The following SCNN1B variants were observed in gnomAD, a reference collection of about 807,000 sequenced individuals.
SCNN1B encodes sodium channel epithelial 1 subunit beta.
SCNN1B carries 46 observed loss-of-function variants against 65.3 expected under a neutral mutation model. That is an observed-to-expected ratio of 0.70 (90% CI 0.56 to 0.90). The LOEUF (loss-of-function observed/expected upper bound fraction) is 0.90, where lower values mean the gene tolerates loss of function less well. Among genes scored for constraint, SCNN1B ranks in the 40% least tolerant of loss-of-function variants. SCNN1B has a pLI of 0.00. For missense variants in SCNN1B, 751 were observed against 830.5 expected (o/e 0.90, Z 1.18); for synonymous variants, 349 against 330.6 (o/e 1.06, Z -0.60).
intron 4 of SCNN1B, among the ~76,000 whole-genome samples, chr16:23,365,613 GAA>G (rs1303615478): frequency 0.021 from 1,492 of 69,624 alleles, 49 homozygotes; most frequent in African/African-American, 0.051. Context: ...AAGAAAGAAA[GAA>G]AGAAAAAAGA....
At chr16:23,326,713 C>T (rs1352502956) in intron 1 of SCNN1B, among the ~76,000 whole-genome samples, 1 of 152,136 alleles carries the variant, frequency 6.6e-6, no homozygotes, top group African/African-American at 2.4e-5. Context: ...AGTGATCCAC[C>T]TGCCTCAGCC....
intron 1 of SCNN1B, among the ~76,000 whole-genome samples, chr16:23,346,504 G>T (rs994073768): frequency 2.0e-5 from 3 of 152,086 alleles, no homozygotes; most frequent in African/African-American, 7.2e-5. Flanking sequence ...TTACAGGCAT[G>T]AGCCACCGCA....
At chr16:23,316,868 A>G (rs1053502190) in intron 1 of SCNN1B, among the ~76,000 whole-genome samples, 2 of 151,848 alleles carry the variant, frequency 1.3e-5, no homozygotes, top group African/African-American at 2.4e-5. Context: ...TATCATCACC[A>G]TCATCAGCAT....
intron 1 of SCNN1B, among the ~76,000 whole-genome samples, chr16:23,320,988 T>G (rs1207041267): frequency 2.0e-5 from 3 of 152,208 alleles, no homozygotes; most frequent in Admixed American, 2.0e-4. Context: ...CGGATCTAGA[T>G]GAGTGAGCTT....
At position 23,355,338 on chromosome 16, in the gene SCNN1B, A is replaced by C. The variant is rs1005140286; in HGVS notation, c.625A>C (p.Thr209Pro). The C allele has an allele frequency of 1.9e-6, 3 of 1,613,972 alleles. No individual in the cohort carries two copies. The highest frequency in any genetic ancestry group is 2.5e-6 in the Non-Finnish European group (3 of 1,180,002). Residue 209 changes from threonine to proline, a missense_variant, in exon 4 of 13, where the codon ACC (threonine) becomes CCC (proline). By Grantham distance (38) the Thr-to-Pro change is conservative (BLOSUM62 -1). Transcript: ENST00000343070. ...GACCCAGTGTACCTTCCGGAACTTC[A>C]CCAGTGCTACCCAGGCATTGACAGA... ...NRTQCTFRNF[T>P]SATQALTEWY...
chr16:23,350,111 TCAACAA>T (rs1470375697), intron 2 of SCNN1B, among the ~76,000 whole-genome samples: 1 of 152,104 alleles, frequency 6.6e-6, no homozygotes, highest in African/African-American at 2.4e-5. Context: ...AAACCACTCT[TCAACAA>T]ATGCTTATGA....
chr16:23,300,790 G>A (rs998693566), upstream of SCNN1B, among the ~76,000 whole-genome samples: 3 of 152,010 alleles, frequency 2.0e-5, no homozygotes, highest in Non-Finnish European at 2.9e-5. Context: ...ACACCACTGC[G>A]CTCTAGCCTG....
intron 2 of SCNN1B, among the ~76,000 whole-genome samples, chr16:23,292,595 C>T (rs1209632992): frequency 1.3e-5 from 2 of 151,932 alleles, no homozygotes; most frequent in Admixed American, 6.6e-5. Context: ...TGAATCTCCC[C>T]GGCTCAAGCA....
At position 23,367,958 on chromosome 16, in the gene SCNN1B, C is replaced by G. The variant is rs250563; in HGVS notation, c.879C>G (p.Phe293Leu). Residue 293 changes from phenylalanine (F) to leucine (L), a missense_variant and splice_region_variant, in exon 5 of 13, where the codon TTC (phenylalanine) becomes TTG (leucine). Coordinates refer to ENST00000343070, the MANE Select transcript of SCNN1B (RefSeq NM_000336.3). ...CTTCGGCCAACCCTGGAACTGAATTCGGTGAGTTTTGGTTTATCGTGGGGC... is the reference window on the plus strand; with the variant it reads ...CTTCGGCCAACCCTGGAACTGAATTGGGTGAGTTTTGGTTTATCGTGGGGC... Reference protein sequence around the residue: ...ALPSANPGTEFGLKLILDIGQ... With the variant: ...ALPSANPGTELGLKLILDIGQ... The G allele has an allele frequency of 3.1e-6, 5 of 1,611,536 alleles. No individual in the cohort carries two copies. The South Asian group carries it at 5.5e-5, about 18-fold the overall frequency.
At chr16:23,317,690 G>A (rs1030944782) in intron 1 of SCNN1B, among the ~76,000 whole-genome samples, 5 of 152,160 alleles carry the variant, frequency 3.3e-5, no homozygotes, top group Non-Finnish European at 7.3e-5. Context: ...ATGCATGATG[G>A]CATTTCCTTG....
chr16:23,299,153 G>A (rs11866072), upstream of SCNN1B, among the ~76,000 whole-genome samples: 415 of 147,382 alleles, frequency 2.8e-3, no homozygotes, highest in African/African-American at 0.01. Context: ...TCCGCCTCCC[G>A]GGTTCAAGTG....
intron 4 of SCNN1B, among the ~76,000 whole-genome samples, chr16:23,360,194 T>A (rs962406127): frequency 5.9e-5 from 7 of 118,886 alleles, no homozygotes; most frequent in Non-Finnish European, 1.3e-4. Context: ...CGAGACTCCA[T>A]CTCAAAAAAA....
At chr16:23,320,068 G>A (rs1366576137) in intron 1 of SCNN1B, among the ~76,000 whole-genome samples, 2 of 152,120 alleles carry the variant, frequency 1.3e-5, no homozygotes, top group Admixed American at 1.3e-4. Flanking sequence ...GTTAACATGC[G>A]CATGAGTCAC....
At chr16:23,363,517 A>G (rs1962592300) in intron 4 of SCNN1B, among the ~76,000 whole-genome samples, 1 of 152,214 alleles carries the variant, frequency 6.6e-6, no homozygotes, top group Non-Finnish European at 1.5e-5. Flanking sequence ...AATTAAATCA[A>G]GAAGATAATT....
chr16:23,304,897 G>A (rs1433924576), intron 1 of SCNN1B, among the ~76,000 whole-genome samples: 3 of 152,162 alleles, frequency 2.0e-5, no homozygotes, highest in African/African-American at 7.2e-5. Flanking sequence ...AGGTGGATTA[G>A]TGGGGTGATG....
rs1167289522 is a variant in SCNN1B, at chr16:23,365,549, G to GA, written c.777-2305dup. Among the ~76,000 whole-genome samples the GA allele has an allele frequency of 4.7e-3, 468 of 99,444 alleles. 4 individuals are homozygous for GA. The highest frequency in any genetic ancestry group is 5.1e-3 in the Admixed American group (54 of 10,490). 65.2% of individuals were successfully genotyped at this position (99,444 alleles called of 152,430 possible). A position where few individuals can be genotyped will look rare whatever the true frequency, so the allele number is the denominator to read the frequency against. ...AGAGAAAGAGAGAAGGAAAGAGAAAGAAGGAAAGAGAAAGAAAGAAAGAAA... is the reference window on the plus strand; with the variant it reads ...AGAGAAAGAGAGAAGGAAAGAGAAAGAAAGGAAAGAGAAAGAAAGAAAGAAA... On this transcript the variant is annotated intron_variant, in intron 4 of 12. Transcript: ENST00000343070.
At chr16:23,279,137 A>G (rs1322741614) in intron 1 of SCNN1B, among the ~76,000 whole-genome samples, 1 of 151,374 alleles carries the variant, frequency 6.6e-6, no homozygotes, top group Non-Finnish European at 1.5e-5. Context: ...AGTGCAGTGG[A>G]GCAATCTTGG....
chr16:23,327,708 G>T (rs1008948547), intron 1 of SCNN1B, among the ~76,000 whole-genome samples: 1 of 152,136 alleles, frequency 6.6e-6, no homozygotes, highest in African/African-American at 2.4e-5. Flanking sequence ...TTTAGCCATC[G>T]CAAAATGTGG....
upstream of SCNN1B, among the ~76,000 whole-genome samples, chr16:23,298,097 A>G (rs2141973560): frequency 6.6e-6 from 1 of 152,286 alleles, no homozygotes; most frequent in East Asian, 1.9e-4. Context: ...GTCTTTCCAC[A>G]ATACTACAAA....
Sources: gnomAD v4.1 joint callset for allele counts (sites outside exome capture counted in the v4.1 genomes callset) on GRCh38, gnomAD v4.1.1 for gene constraint, MANE v1.5 for transcripts, NCBI Gene and HGNC (gene_info 2026-07-23, HGNC 2026-07-21) for gene names.